Variants in PODXL observed in about 807,000 individuals in gnomAD.
PODXL encodes the protein podocalyxin.
PODXL carries 20 observed loss-of-function variants against 48.9 expected under a neutral mutation model. That is an observed-to-expected ratio of 0.41 (90% CI 0.29 to 0.59). The LOEUF (loss-of-function observed/expected upper bound fraction) is 0.59, where lower values mean the gene tolerates loss of function less well. PODXL is among the 20% of genes least tolerant of loss of function. The probability of loss-of-function intolerance (pLI) is 0.31; values close to 1 mark genes in which losing one functional copy is unlikely to be tolerated. For synonymous variants in PODXL, 295 were observed against 287.4 expected (o/e 1.03, Z -0.27); for missense variants, 606 against 675.1 (o/e 0.90, Z 1.13).
intron 1 of PODXL, among the ~76,000 whole-genome samples, chr7:131,541,693 A>G (rs1250814287): frequency 5.3e-5 from 8 of 151,878 alleles, no homozygotes; most frequent in Admixed American, 4.6e-4. Context: ...AAAAAAGACA[A>G]ACAAACCAAG....
At chr7:131,528,841 C>T (rs1161888926) in intron 1 of PODXL, among the ~76,000 whole-genome samples, 1 of 151,950 alleles carries the variant, frequency 6.6e-6, no homozygotes, top group Non-Finnish European at 1.5e-5. Flanking sequence ...GGATTGTTGA[C>T]CTAGAGGATG....
intron 1 of PODXL, among the ~76,000 whole-genome samples, chr7:131,524,377 CACAGAGAG>C (rs1264963580): frequency 3.3e-3 from 80 of 24,070 alleles, no homozygotes; most frequent in Middle Eastern, 0.018. Context: ...CACACACACA[CACAGAGAG>C]AGAGAGAGAG....
intron 1 of PODXL, among the ~76,000 whole-genome samples, chr7:131,530,206 C>A (rs959906242): frequency 1.4e-5 from 2 of 146,676 alleles, no homozygotes; most frequent in South Asian, 4.4e-4. Context: ...GTCCTGCTGG[C>A]CATTGTACAC....
Position 131,556,433 on chromosome 7 carries a change from G to T in PODXL, c.-74C>A. 1 of 1,302,916 alleles carries T rather than the reference G, an allele frequency of 7.7e-7. No individual in the cohort carries two copies. The allele number at this position is 1,302,916 out of a possible 1,614,324, so 80.7% of individuals were successfully genotyped here. A position where few individuals can be genotyped will look rare whatever the true frequency, so the allele number is the denominator to read the frequency against. ...GGATCCGCGCGTCCGGGCGGTAGGA[G>T]CGTGGGCGCCGCCCGGGGAGGCCTG... is the stretch of plus-strand genomic sequence containing the variant. On this transcript the variant is annotated 5_prime_UTR_variant, in exon 1 of 9. Transcript: ENST00000378555.
At chr7:131,543,109 C>T (rs535888753) in intron 1 of PODXL, among the ~76,000 whole-genome samples, 205 of 152,230 alleles carry the variant, frequency 1.3e-3, no homozygotes, top group African/African-American at 4.5e-3. Flanking sequence ...CAGTTTTCTA[C>T]TTTTTAAACT....
intron 1 of PODXL, among the ~76,000 whole-genome samples, chr7:131,536,515 C>G (rs1157414458): frequency 2.6e-5 from 4 of 152,198 alleles, no homozygotes; most frequent in African/African-American, 9.7e-5. Context: ...CACCCTCGGG[C>G]CAGCAGCAGC....
intron 1 of PODXL, among the ~76,000 whole-genome samples, chr7:131,539,930 C>T (rs1299573536): frequency 6.6e-6 from 1 of 152,228 alleles, no homozygotes; most frequent in Non-Finnish European, 1.5e-5. Flanking sequence ...AAACTTAATA[C>T]TGGGCAAATA....
At chr7:131,523,277 C>G (rs1186893285) in intron 1 of PODXL, among the ~76,000 whole-genome samples, 3 of 152,130 alleles carry the variant, frequency 2.0e-5, no homozygotes, top group Non-Finnish European at 4.4e-5. Context: ...AATTACTAAT[C>G]AAATCCAACA....
At chr7:131,522,462 T>C (rs973941620) in intron 1 of PODXL, among the ~76,000 whole-genome samples, 2 of 152,120 alleles carry the variant, frequency 1.3e-5, no homozygotes, top group African/African-American at 4.8e-5. Flanking sequence ...AACAGTGGAA[T>C]ACAGCTGTGG....
intron 5 of PODXL, among the ~76,000 whole-genome samples, chr7:131,507,570 C>A (rs1050655237): frequency 6.6e-6 from 1 of 152,114 alleles, no homozygotes; most frequent in Non-Finnish European, 1.5e-5. Context: ...ATACAAACCA[C>A]CCCTAAGGTT....
chr7:131,520,964 T>A (rs1223106781), intron 1 of PODXL, among the ~76,000 whole-genome samples: 1 of 152,276 alleles, frequency 6.6e-6, no homozygotes, highest in Middle Eastern at 3.4e-3. Flanking sequence ...GGTCAGGAGT[T>A]CGAGATAAGT....
At chr7:131,512,687 A>G (rs1797934520) in intron 1 of PODXL, among the ~76,000 whole-genome samples, 1 of 152,168 alleles carries the variant, frequency 6.6e-6, no homozygotes, top group African/African-American at 2.4e-5. Context: ...CCTCTTAAAA[A>G]TCACATTCAG....
At position 131,500,336 on chromosome 7, in the gene PODXL, A is replaced by T. The variant is rs1051707853; in HGVS notation, c.*3975T>A. ...AAAATATATTTTTGTAAGAAAATGC[A>T]ATAATTATTAACTATAGTTTTTACA... On this transcript the variant is annotated 3_prime_UTR_variant, in exon 9 of 9. Transcript: ENST00000378555. 6.6e-6 allele frequency: 1 copy of T among 152,660 alleles called. No individual in the cohort carries two copies. The highest frequency in any genetic ancestry group is 1.5e-5 in the Non-Finnish European group (1 of 68,044). 9.5% of individuals were successfully genotyped at this position (152,660 alleles called of 1,614,324 possible).
chr7:131,537,112 T>C (rs1798387272), intron 1 of PODXL, among the ~76,000 whole-genome samples: 1 of 144,864 alleles, frequency 6.9e-6, no homozygotes, highest in South Asian at 2.2e-4. Context: ...GATGACAGAG[T>C]GAGACCCTGT....
At chr7:131,530,919 G>A (rs555017388) in intron 1 of PODXL, among the ~76,000 whole-genome samples, 1 of 152,160 alleles carries the variant, frequency 6.6e-6, no homozygotes, top group African/African-American at 2.4e-5. Flanking sequence ...TTAGCTGGGC[G>A]TGGTGGCACA....
chr7:131,504,299 C>T lies in PODXL; in HGVS notation c.*12G>A, dbSNP rs761797213. ...GCTCTGTGGTGCTGCTGGAGGCCAC[C>T]GGCAGACCGGACTAGAGGTGTGTGT... is the stretch of plus-strand genomic sequence containing the variant. On this transcript the variant is annotated 3_prime_UTR_variant, in exon 9 of 9. Transcript: ENST00000378555. 16 of 1,612,664 alleles carry T rather than the reference C, an allele frequency of 9.9e-6. No homozygotes were observed. The highest frequency in any genetic ancestry group is 2.2e-5 in the South Asian group (2 of 90,950).
chr7:131,522,345 G>C (rs1032851430), intron 1 of PODXL, among the ~76,000 whole-genome samples: 2 of 152,128 alleles, frequency 1.3e-5, no homozygotes. Context: ...CCCAGCTACC[G>C]AGACAGGAGA....
intron 1 of PODXL, chr7:131,520,208 C>A (rs1584815801): frequency 2.7e-6 from 1 of 373,354 alleles, no homozygotes; most frequent in East Asian, 7.7e-5. Flanking sequence ...CCCGAGAATG[C>A]ACCATCAACA....
At chr7:131,521,560 C>A (rs1402888766) in intron 1 of PODXL, among the ~76,000 whole-genome samples, 8 of 152,112 alleles carry the variant, frequency 5.3e-5, no homozygotes, top group African/African-American at 1.7e-4. Flanking sequence ...GTCTCGAACT[C>A]CTGACCTCGT....
Sources: allele counts gnomAD v4.1 joint callset (sites outside exome capture counted in the v4.1 genomes callset), GRCh38; gene constraint gnomAD v4.1.1; transcripts MANE v1.5; gene names NCBI Gene and HGNC (gene_info 2026-07-23, HGNC 2026-07-21).